AK3: variants seen among roughly 807,000 people sequenced by gnomAD.
AK3 encodes the protein GTP:AMP phosphotransferase AK3, mitochondrial.
A neutral mutation model predicts 23.7 loss-of-function variants in AK3; 27 were observed. The ratio of observed to expected loss-of-function variants is 1.14; its 90% CI spans 0.84 to 1.57. The LOEUF is 1.57. Ranked by LOEUF, AK3 falls within the 40% of genes most tolerant of loss-of-function variation. The pLI, the probability that AK3 is intolerant of heterozygous loss-of-function variation, is 0.00. For missense variants in AK3, 406 were observed against 285.6 expected, an observed-to-expected ratio of 1.42 and a Z score of -3.04; for synonymous variants, 159 against 116.0, an observed-to-expected ratio of 1.37 and a Z score of -2.38.
rs764448561 is a variant in AK3 at position 4,740,914 on chromosome 9, G to A, written c.151+23C>T. ...CCGACCCGGGTGACAGCGCACGGCC[G>A]GCCCTGGGCCCAGAGCTCCCACCTG... is the stretch of plus-strand genomic sequence containing the variant. On this transcript the variant is annotated intron_variant, in intron 1 of 4. Coordinates refer to ENST00000381809, the MANE Select transcript of AK3 (RefSeq NM_016282.4). The A allele has an allele frequency of 7.3e-6, 11 of 1,509,216 alleles. No homozygotes were observed. The African/African-American group carries it at 1.0e-4, about 14-fold the overall frequency. 93.5% of individuals were successfully genotyped at this position (1,509,216 alleles called of 1,614,324 possible).
At chr9:4,736,059 G>C (rs757334205) in intron 1 of AK3, among the ~76,000 whole-genome samples, 22 of 149,084 alleles carry the variant, frequency 1.5e-4, no homozygotes, top group Non-Finnish European at 3.0e-4. Flanking sequence ...AGGTTACAGT[G>C]AGCCGAGATC....
intron 1 of AK3, among the ~76,000 whole-genome samples, chr9:4,732,870 C>CTT (rs145499793): frequency 3.5e-5 from 5 of 142,430 alleles, no homozygotes; most frequent in African/African-American, 7.9e-5. Context: ...CTCTCTCTCT[C>CTT]TTTTTTTTTT....
At chr9:4,731,505 T>C (rs1379755740) in intron 1 of AK3, among the ~76,000 whole-genome samples, 6 of 151,736 alleles carry the variant, frequency 4.0e-5, no homozygotes, top group African/African-American at 1.2e-4. Flanking sequence ...GAACTTTCTA[T>C]ATCAATAAGC....
chr9:4,719,157 T>A lies in AK3; in HGVS notation c.422A>T (p.Glu141Val). Residue 141 changes from glutamate to valine, a missense_variant, in exon 3 of 5, where the codon GAA (glutamate) becomes GTA (valine). Glu to Val is a moderately radical substitution (Grantham distance 121, BLOSUM62 -2). Coordinates refer to ENST00000381809, the MANE Select transcript of AK3 (RefSeq NM_016282.4). ...HPASGRVYNI[E>V]FNPPKTVGID... ...CACCACAGTTTTGGGAGGGTTGAAT[T>A]CAATGTTATAGACTCGGCCACTGGC... The A allele has an allele frequency of 6.2e-7, 1 of 1,611,870 alleles. No homozygotes were observed. The highest frequency in any genetic ancestry group is 8.5e-7 in the Non-Finnish European group (1 of 1,179,832).
At chr9:4,728,900 T>G (rs1307383543) in intron 1 of AK3, among the ~76,000 whole-genome samples, 1 of 145,484 alleles carries the variant, frequency 6.9e-6, no homozygotes, top group Admixed American at 6.9e-5. Flanking sequence ...TATATACACA[T>G]ACTTATATAT....
chr9:4,717,597 T>C (rs1430648864), intron 4 of AK3, among the ~76,000 whole-genome samples: 4 of 152,170 alleles, frequency 2.6e-5, no homozygotes, highest in South Asian at 2.1e-4. Context: ...ATGCAGGATT[T>C]TTCAGCTTTA....
intron 1 of AK3, among the ~76,000 whole-genome samples, chr9:4,724,928 G>T (rs749826762): frequency 2.0e-4 from 30 of 151,616 alleles, no homozygotes; most frequent in Non-Finnish European, 3.5e-4. Context: ...TAAATATCCA[G>T]ATGAAAAGGA....
chr9:4,726,758 C>G (rs992514067), intron 1 of AK3, among the ~76,000 whole-genome samples: 1 of 150,818 alleles, frequency 6.6e-6, no homozygotes, highest in African/African-American at 2.5e-5. Flanking sequence ...TCTAGAATGG[C>G]GCATCCTTTC....
chr9:4,736,639 GAATA>G (rs1842300348), intron 1 of AK3, among the ~76,000 whole-genome samples: 1 of 151,586 alleles, frequency 6.6e-6, no homozygotes, highest in Non-Finnish European at 1.5e-5. Context: ...ATATAGATGA[GAATA>G]AATGAGATTC....
At chr9:4,722,461 A>G in intron 2 of AK3, 45 bp downstream of exon 2, 3 of 1,613,468 alleles carry the variant, frequency 1.9e-6, no homozygotes, top group Non-Finnish European at 2.5e-6. Context: ...TCCTGCCAGC[A>G]CTGATTATTT....
At position 4,710,123 on chromosome 9, in the gene AK3, T is replaced by A. The variant is rs1285959219; in HGVS notation, c.*2853A>T. ...TGGATGGTGCTAACAACTGCTAGTTTGCATTTCCCACAGTACACGCTGCTT... is the reference window on the plus strand; with the variant it reads ...TGGATGGTGCTAACAACTGCTAGTTAGCATTTCCCACAGTACACGCTGCTT... On this transcript the variant is annotated 3_prime_UTR_variant, in exon 5 of 5. Transcript: ENST00000381809. 6.6e-6 allele frequency: 1 copy of A among 152,188 alleles called. No individual in the cohort carries two copies. 9.4% of individuals were successfully genotyped at this position (152,188 alleles called of 1,614,324 possible).
chr9:4,729,129 A>C (rs2130900004), intron 1 of AK3, among the ~76,000 whole-genome samples: 1 of 149,068 alleles, frequency 6.7e-6, no homozygotes, highest in Admixed American at 6.8e-5. Flanking sequence ...TCCTGCCTCC[A>C]CCTCCTGAGT....
chr9:4,735,088 AG>A (rs1677553494), intron 1 of AK3, among the ~76,000 whole-genome samples: 1 of 151,378 alleles, frequency 6.6e-6, no homozygotes. Flanking sequence ...TGATTATTAA[AG>A]AAAAAATATT....
chr9:4,729,659 T>C (rs431438), intron 1 of AK3, among the ~76,000 whole-genome samples: 12,673 of 151,708 alleles, frequency 0.084, 614 homozygotes, highest in African/African-American at 0.13. Flanking sequence ...CACAGCAAGA[T>C]CCTACATCTA....
chr9:4,732,432 T>A (rs1842176762), intron 1 of AK3, among the ~76,000 whole-genome samples: 1 of 152,190 alleles, frequency 6.6e-6, no homozygotes, highest in Non-Finnish European at 1.5e-5. Flanking sequence ...TTGACTACAC[T>A]AGGAATCGGC....
At chr9:4,715,275 A>ACAGCAAAAGG (rs1227693489) in intron 4 of AK3, among the ~76,000 whole-genome samples, 12 of 151,776 alleles carry the variant, frequency 7.9e-5, no homozygotes, top group Admixed American at 5.9e-4. Context: ...GCTTGAATTA[A>ACAGCAAAAGG]CAGCAAAAGG....
intron 4 of AK3, among the ~76,000 whole-genome samples, chr9:4,713,681 G>A (rs192729612): frequency 6.6e-6 from 1 of 152,178 alleles, no homozygotes; most frequent in African/African-American, 2.4e-5. Flanking sequence ...TGGTTTTATT[G>A]GGTTTCCTAT....
At chr9:4,728,199 C>G (rs1020546062) in intron 1 of AK3, among the ~76,000 whole-genome samples, 10 of 152,196 alleles carry the variant, frequency 6.6e-5, no homozygotes, top group Non-Finnish European at 2.9e-5. Context: ...TTGCTTGACA[C>G]AGAGTTGCCA....
At chr9:4,741,340 CCGCG>C, upstream of AK3, 1 of 110,214 alleles carries the variant, frequency 9.1e-6, no homozygotes, top group Non-Finnish European at 2.1e-5. Context: ...TCCCGCCCAG[CCGCG>C]CAAGCCGCGC....
Sources: allele counts gnomAD v4.1 joint callset (sites outside exome capture counted in the v4.1 genomes callset), GRCh38; gene constraint gnomAD v4.1.1; transcripts MANE v1.5; gene names NCBI Gene and HGNC (gene_info 2026-07-23, HGNC 2026-07-21).